CASR: variants seen among roughly 807,000 people sequenced by gnomAD.
CASR encodes the protein extracellular calcium-sensing receptor.
A neutral mutation model predicts 69.1 loss-of-function variants in CASR; 23 were observed. The observed-to-expected ratio is 0.33, with a 90% CI of 0.24 to 0.47. CASR has a LOEUF of 0.47. CASR is among the 20% of genes least tolerant of loss of function. The pLI, the probability that CASR is intolerant of heterozygous loss-of-function variation, is 1.00. For missense variants in CASR, 924 were observed against 1,356.1 expected (o/e 0.68, Z 5.00); for synonymous variants, 541 against 544.7 (o/e 0.99, Z 0.10).
Position 122,284,048 on chromosome 3 carries a change from A to G in CASR, c.2094A>G (p.Lys698=). The G allele has an allele frequency of 6.2e-7, 1 of 1,614,098 alleles. No homozygotes were observed. The highest frequency in any genetic ancestry group is 8.5e-7 in the Non-Finnish European group (1 of 1,180,010). ...TCTGCATCTCATGCATCCTGGTGAA[A>G]ACCAACCGTGTCCTCCTGGTGTTTG... ...FVLCISCILV[K]TNRVLLVFEA... is the part of the protein sequence containing the mutation. Residue 698 remains lysine (K), a synonymous_variant, in exon 7 of 7, where the codon AAA becomes AAG. Coordinates refer to ENST00000639785, the MANE Select transcript of CASR (RefSeq NM_000388.4).
chr3:122,283,653 A>C, intron 6 of CASR, 34 bp from the exon 7 acceptor site: 1 of 1,586,852 alleles, frequency 6.3e-7, no homozygotes. Context: ...TCTGTGCCAC[A>C]CAATAACTCA....
At chr3:122,204,122 G>T (rs2073983756) in intron 1 of CASR, among the ~76,000 whole-genome samples, 1 of 151,824 alleles carries the variant, frequency 6.6e-6, no homozygotes, top group Non-Finnish European at 1.5e-5. Context: ...TTCTCTTCTA[G>T]CTATTTTGAA....
intron 4 of CASR, among the ~76,000 whole-genome samples, chr3:122,271,369 C>T (rs1323456005): frequency 3.9e-5 from 6 of 152,164 alleles, no homozygotes; most frequent in Non-Finnish European, 5.9e-5. Flanking sequence ...GTGCTTCCTT[C>T]TCCAGATAAG....
At chr3:122,249,718 G>A (rs573138095) in intron 1 of CASR, among the ~76,000 whole-genome samples, 40 of 152,334 alleles carry the variant, frequency 2.6e-4, no homozygotes, top group African/African-American at 9.4e-4. Context: ...TCATTTGCAG[G>A]AAGGCAAACA....
chr3:122,192,004 A>G (rs2073844466), intron 1 of CASR, among the ~76,000 whole-genome samples: 1 of 152,264 alleles, frequency 6.6e-6, no homozygotes, highest in Admixed American at 6.5e-5. Flanking sequence ...CTTTGACCAA[A>G]GAATTTCATT....
In CASR at chr3:122,282,235, A is replaced by G; in HGVS notation, c.1731A>G (p.Thr577=). 1.2e-6 allele frequency: 2 copies of G among 1,614,068 alleles called. No individual in the cohort carries two copies. The highest frequency in any genetic ancestry group is 1.7e-6 in the Non-Finnish European group (2 of 1,179,940). ...ECPDGEYSDE[T]DASACNKCPD... ...CTGATGGGGAGTATAGTGATGAGAC[A>G]GGTAAGGGAACCCCTCTTGGGCACT... Residue 577 remains threonine, a splice_region_variant and synonymous_variant, in exon 6 of 7, where the codon ACA becomes ACG. Coordinates refer to ENST00000639785, the MANE Select transcript of CASR (RefSeq NM_000388.4).
intron 3 of CASR, among the ~76,000 whole-genome samples, chr3:122,259,454 T>C (rs550113098): frequency 9.2e-5 from 14 of 152,252 alleles, no homozygotes; most frequent in African/African-American, 3.1e-4. Flanking sequence ...GAATACCTTA[T>C]TCTGATAAGG....
At chr3:122,217,420 A>G (rs11721042) in intron 1 of CASR, among the ~76,000 whole-genome samples, 109,919 of 151,772 alleles carry the variant, frequency 0.72, 40,039 homozygotes, top group Admixed American at 0.82. Context: ...CAATTCTATG[A>G]GGTATGTAGC....
Position 122,189,547 on chromosome 3 carries a change from T to G in CASR, c.-243+5735T>G, listed in dbSNP as rs533340193. Among the ~76,000 whole-genome samples, 3 of 152,334 alleles carry G rather than the reference T, an allele frequency of 2.0e-5. No homozygotes were observed. In the East Asian group the frequency reaches 5.8e-4, roughly 29 times the overall value. On this transcript the variant is annotated intron_variant, in intron 1 of 6. Transcript: ENST00000639785. ...CCTGTTTTCCTCCACCCTCAGTGAA[T>G]GCTTATCAGTGATGATGGGGGCAAA... is the stretch of plus-strand genomic sequence containing the variant.
At chr3:122,194,305 A>G (rs1349503865) in intron 1 of CASR, among the ~76,000 whole-genome samples, 1 of 151,982 alleles carries the variant, frequency 6.6e-6, no homozygotes, top group African/African-American at 2.4e-5. Context: ...TTTTTTCACC[A>G]AGGGATTTTT....
chr3:122,198,386 A>G (rs1452934685), intron 1 of CASR, among the ~76,000 whole-genome samples: 1 of 152,218 alleles, frequency 6.6e-6, no homozygotes, highest in African/African-American at 2.4e-5. Flanking sequence ...GCATACTGTG[A>G]ATTACTAGGA....
At position 122,289,907 on chromosome 3, in the gene CASR, T is replaced by C. The variant is rs1348347388; in HGVS notation, c.*4716T>C. The C allele has an allele frequency of 9.8e-6, 1 of 102,102 alleles. No individual in the cohort carries two copies. Among genetic ancestry groups the C allele is most frequent in the Non-Finnish European group, 2.0e-5 (1 of 49,464 alleles). 6.3% of individuals were successfully genotyped at this position (102,102 alleles called of 1,614,324 possible). ...GCCTGGGCAACATGGCAAAACCCCATCTCTACAAACAATAAAAAAAAAAAA... is the reference window on the plus strand; with the variant it reads ...GCCTGGGCAACATGGCAAAACCCCACCTCTACAAACAATAAAAAAAAAAAA... On this transcript the variant is annotated 3_prime_UTR_variant, in exon 7 of 7. Transcript: ENST00000639785.
At chr3:122,252,033 C>G (rs1393693800) in intron 1 of CASR, among the ~76,000 whole-genome samples, 2 of 152,152 alleles carry the variant, frequency 1.3e-5, no homozygotes, top group African/African-American at 4.8e-5. Context: ...GTGGCTCACA[C>G]CTGCAACCCT....
intron 1 of CASR, among the ~76,000 whole-genome samples, chr3:122,221,123 T>C (rs887114143): frequency 1.3e-5 from 2 of 152,228 alleles, no homozygotes; most frequent in African/African-American, 4.8e-5. Context: ...GCCAGTGATA[T>C]GTCTGATAGT....
At chr3:122,278,467 A>C (rs1384655094) in intron 5 of CASR, among the ~76,000 whole-genome samples, 1 of 152,180 alleles carries the variant, frequency 6.6e-6, no homozygotes, top group African/African-American at 2.4e-5. Context: ...TTGTTTTGCT[A>C]CAACAAATAA....
intron 1 of CASR, among the ~76,000 whole-genome samples, chr3:122,252,446 A>AAAG (rs1171805148): frequency 1.2e-4 from 12 of 98,812 alleles, no homozygotes; most frequent in African/African-American, 5.2e-4. Context: ...AGAAAGAAAG[A>AAAG]AAAAAAAGAA....
At chr3:122,218,512 A>G (rs2074139766) in intron 1 of CASR, among the ~76,000 whole-genome samples, 1 of 142,248 alleles carries the variant, frequency 7.0e-6, no homozygotes, top group African/African-American at 2.6e-5. Context: ...CCAGCGACAG[A>G]GTTCTGGCAA....
chr3:122,224,196 A>G (rs1027674446), intron 1 of CASR, among the ~76,000 whole-genome samples: 9 of 152,226 alleles, frequency 5.9e-5, no homozygotes, highest in African/African-American at 2.2e-4. Context: ...AGCCAGTGCA[A>G]TCAGGCAAGA....
Position 122,287,890 on chromosome 3 carries a change from T to C in CASR, c.*2699T>C, listed in dbSNP as rs1232948088. 1 of 152,254 alleles carries C rather than the reference T, an allele frequency of 6.6e-6. No individual in the cohort carries two copies. The highest frequency in any genetic ancestry group is 1.5e-5 in the Non-Finnish European group (1 of 68,062). The allele number at this position is 152,254 out of a possible 1,614,324, so 9.4% of individuals were successfully genotyped here. On this transcript the variant is annotated 3_prime_UTR_variant, in exon 7 of 7. Coordinates refer to ENST00000639785, the MANE Select transcript of CASR (RefSeq NM_000388.4). ...TCCCCATGACAGTACACAGAGCTTATGGAGGCTAACAAAGCTTCCAGGGTA... is the reference window on the plus strand; with the variant it reads ...TCCCCATGACAGTACACAGAGCTTACGGAGGCTAACAAAGCTTCCAGGGTA...
Sources: allele counts gnomAD v4.1 joint callset (sites outside exome capture counted in the v4.1 genomes callset), GRCh38; gene constraint gnomAD v4.1.1; transcripts MANE v1.5; gene names NCBI Gene and HGNC (gene_info 2026-07-23, HGNC 2026-07-21).